Variants in CCDC88A observed in about 807,000 individuals in gnomAD.
CCDC88A encodes girdin.
CCDC88A carries 54 observed loss-of-function variants against 234.3 expected under a neutral mutation model. The observed-to-expected ratio is 0.23, with a 90% confidence interval of 0.19 to 0.29. The LOEUF is 0.29. Among genes scored for constraint, CCDC88A ranks in the 10% least tolerant of loss-of-function variants. The probability of loss-of-function intolerance (pLI) is 1.00; values close to 1 mark genes in which losing one functional copy is unlikely to be tolerated. For missense variants in CCDC88A, 1,832 were observed against 2,123.4 expected, an observed-to-expected ratio of 0.86 and a Z score of 2.70; for synonymous variants, 753 against 737.8, an observed-to-expected ratio of 1.02 and a Z score of -0.33.
In CCDC88A at chr2:55,343,783, T is replaced by C. The variant is rs1301440491; in HGVS notation, c.1198A>G (p.Met400Val). Reference protein sequence around the residue: ...KLHDMEMERDMDRKKIEELME... With the variant: ...KLHDMEMERDVDRKKIEELME... ...AATTCTTCAATCTTTTTTCTATCCA[T>C]ATCTCGTTCCTTTTTTATTGGCAAG... Residue 400 changes from methionine (M) to valine (V), a missense_variant, in exon 12 of 33, where the codon ATG becomes GTG. Physicochemically the swap from Met to Val is conservative, Grantham distance 21 (BLOSUM62 1). Transcript: ENST00000436346. The C allele has an allele frequency of 3.1e-6, 5 of 1,607,178 alleles. No homozygotes were observed. The highest frequency in any genetic ancestry group is 4.2e-6 in the Non-Finnish European group (5 of 1,176,678).
intron 17 of CCDC88A, chr2:55,323,867 A>G (rs766564800): frequency 1.3e-5 from 2 of 152,198 alleles, no homozygotes; most frequent in Non-Finnish European, 2.9e-5. Context: ...GTGTGCCACC[A>G]TGCCTGGCTA....
intron 25 of CCDC88A, among the ~76,000 whole-genome samples, chr2:55,303,363 C>A (rs2104576629): frequency 6.6e-6 from 1 of 151,356 alleles, no homozygotes; most frequent in East Asian, 1.9e-4. Flanking sequence ...CTTGGAAAAG[C>A]ACTGAAGACA....
At chr2:55,401,237 C>G (rs1303263110) in intron 2 of CCDC88A, among the ~76,000 whole-genome samples, 4 of 151,108 alleles carry the variant, frequency 2.6e-5, no homozygotes, top group Non-Finnish European at 5.9e-5. Context: ...TGAGACCAGC[C>G]TGTACAACAC....
chr2:55,418,941 C>G (rs766927568), intron 1 of CCDC88A, 25 bp from the exon 2 acceptor site: 19 of 1,602,586 alleles, frequency 1.2e-5, no homozygotes, highest in African/African-American at 2.7e-5. Flanking sequence ...AGGATCACCA[C>G]GACATGAACG....
At chr2:55,361,340 T>G (rs1671286340) in intron 7 of CCDC88A, among the ~76,000 whole-genome samples, 2 of 152,150 alleles carry the variant, frequency 1.3e-5, no homozygotes, top group South Asian at 4.1e-4. Flanking sequence ...AGTAGGAATG[T>G]TTTCCAATTT....
In CCDC88A at chr2:55,308,962, G is replaced by A. The variant is rs778102048; in HGVS notation, c.4234C>T (p.Arg1412Trp). Reference sequence around the variant, plus strand: ...AATGTTAGAGATTTCTGGCGTTCCCGATTAATATCTTTCTTAGACTTTATC... The same window carrying A: ...AATGTTAGAGATTTCTGGCGTTCCCAATTAATATCTTTCTTAGACTTTATC... Reference protein sequence around the residue: ...KLIKSKKDINRERQKSLTLTP... With the variant: ...KLIKSKKDINWERQKSLTLTP... The change falls in exon 25 of 33, where the codon CGG (arginine) becomes TGG (tryptophan). Residue 1412 changes from arginine to tryptophan, a missense_variant. By Grantham distance (101) the Arg-to-Trp change is moderately radical (BLOSUM62 -3). This residue lies in a region of CCDC88A where 1,282 missense variants were observed against 1,543.6 expected (regional missense o/e 0.83). Coordinates refer to ENST00000436346, the MANE Select transcript of CCDC88A (RefSeq NM_001365480.1). 10 of 1,613,998 alleles carry A rather than the reference G, an allele frequency of 6.2e-6. No individual in the cohort carries two copies. Among genetic ancestry groups the A allele is most frequent in the East Asian group, 2.2e-5 (1 of 44,860 alleles).
At chr2:55,363,837 A>G in intron 6 of CCDC88A, 113 bp downstream of exon 6, 1 of 552,776 alleles carries the variant, frequency 1.8e-6, no homozygotes, top group East Asian at 3.1e-5. Context: ...GTCCATCTAT[A>G]TTTGTTGATT....
intron 25 of CCDC88A, among the ~76,000 whole-genome samples, chr2:55,306,435 A>G (rs1172557011): frequency 6.6e-6 from 1 of 152,108 alleles, no homozygotes; most frequent in Non-Finnish European, 1.5e-5. Context: ...TGCTTGACAC[A>G]CACACACACA....
At chr2:55,349,752 T>C (rs1669635373) in intron 8 of CCDC88A, 153 bp from the exon 9 acceptor site, 3 of 518,088 alleles carry the variant, frequency 5.8e-6, no homozygotes, top group Admixed American at 3.7e-5. Context: ...AAAAGATAGA[T>C]ATTAGGAATT....
intron 29 of CCDC88A, among the ~76,000 whole-genome samples, chr2:55,297,948 T>G (rs529055188): frequency 1.9e-4 from 29 of 152,164 alleles, no homozygotes; most frequent in Non-Finnish European, 3.8e-4. Flanking sequence ...AAGTATACAA[T>G]CAAATATGTA....
At chr2:55,397,765 T>C (rs940944879) in intron 2 of CCDC88A, among the ~76,000 whole-genome samples, 2 of 152,116 alleles carry the variant, frequency 1.3e-5, no homozygotes, top group Non-Finnish European at 2.9e-5. Context: ...ATGTATTCAG[T>C]TGTCAGGAAA....
At chr2:55,418,944 C>T (rs367583999) in intron 1 of CCDC88A, 28 bp from the exon 2 acceptor site, 21 of 1,600,412 alleles carry the variant, frequency 1.3e-5, no homozygotes, top group Non-Finnish European at 1.8e-5. Context: ...ATCACCACGA[C>T]ATGAACGCCC....
intron 3 of CCDC88A, among the ~76,000 whole-genome samples, chr2:55,385,081 A>C (rs938887671): frequency 1.3e-5 from 2 of 152,090 alleles, no homozygotes; most frequent in African/African-American, 4.8e-5. Flanking sequence ...CCAAAAAATG[A>C]GTTCACAATT....
At chr2:55,372,609 G>C (rs1378677021) in intron 4 of CCDC88A, 99 bp from the exon 5 acceptor site, 3 of 609,062 alleles carry the variant, frequency 4.9e-6, no homozygotes, top group South Asian at 4.9e-5. Context: ...ACAGTAACTT[G>C]AGTGAAGGAT....
At position 55,317,776 on chromosome 2, in the gene CCDC88A, G is replaced by T. The variant is rs1206520684; in HGVS notation, c.3390C>A (p.Ile1130=). ...TTTCATTTTCTAAGGAAGACTGCTG[G>T]ATTAGGAGTTGGGCATTCTGGTTCA... ...SLMNQNAQLL[I]QQSSLENENE... is the part of the protein sequence containing the mutation. Residue 1130 remains isoleucine, a synonymous_variant, in exon 20 of 33, where the codon ATC becomes ATA. Transcript: ENST00000436346. The surrounding 1 kb of genome is among the most constrained non-coding windows in gnomAD (Gnocchi z 4.2). 1.2e-6 allele frequency: 2 copies of T among 1,612,630 alleles called. No individual in the cohort carries two copies. Among genetic ancestry groups the T allele is most frequent in the Non-Finnish European group, 8.5e-7 (1 of 1,178,952 alleles).
At position 55,318,688 on chromosome 2, in the gene CCDC88A, G is replaced by A. The variant is rs1469220711; in HGVS notation, c.3324+155C>T. Among the ~76,000 whole-genome samples, 5 of 152,128 alleles carry A rather than the reference G, an allele frequency of 3.3e-5. No individual in the cohort carries two copies. The East Asian group carries it at 9.6e-4, about 29-fold the overall frequency. On this transcript the variant is annotated intron_variant, in intron 19 of 32. Coordinates refer to ENST00000436346, the MANE Select transcript of CCDC88A (RefSeq NM_001365480.1). ...TTATTAATATTTAAAATTAAAAACT[G>A]ATGTGTGAAAATTTGGCATGGCACT...
chr2:55,338,777 G>C (rs1668101791), intron 13 of CCDC88A, among the ~76,000 whole-genome samples: 1 of 152,128 alleles, frequency 6.6e-6, no homozygotes, highest in East Asian at 1.9e-4. Context: ...GCTTCCACTA[G>C]CCCGAGTTGA....
intron 5 of CCDC88A, among the ~76,000 whole-genome samples, chr2:55,368,659 C>T (rs183204438): frequency 1.3e-5 from 2 of 152,170 alleles, no homozygotes; most frequent in East Asian, 3.9e-4. Flanking sequence ...CTCTTGAAAC[C>T]TGTGGTCCAC....
intron 5 of CCDC88A, among the ~76,000 whole-genome samples, chr2:55,365,516 CTAAA>C (rs1671827963): frequency 6.6e-6 from 1 of 152,136 alleles, no homozygotes; most frequent in Non-Finnish European, 1.5e-5. Context: ...TCAGTTTAGA[CTAAA>C]TAGATATACT....
Sources: gnomAD v4.1 joint callset for allele counts (sites outside exome capture counted in the v4.1 genomes callset) on GRCh38, gnomAD v4.1.1 for gene constraint, gnomAD v4.1.1 regional missense constraint, Gnocchi (gnomAD v3.1) non-coding constraint, MANE v1.5 for transcripts, NCBI Gene and HGNC (gene_info 2026-07-23, HGNC 2026-07-21) for gene names.